The following CSMD1 variants were observed in gnomAD, a reference collection of about 807,000 sequenced individuals.
CSMD1 encodes CUB and Sushi multiple domains 1, also known as CUB and sushi domain-containing protein 1.
In CSMD1, 213 loss-of-function variants were observed where a neutral mutation model predicts 417.5. The observed-to-expected ratio is 0.51, with a 90% CI of 0.46 to 0.57. The LOEUF is 0.57. CSMD1 is among the 20% of genes least tolerant of loss of function. The pLI is 0.00. For missense variants in CSMD1, 6,923 were observed against 4,529.7 expected (o/e 1.53, Z -15.17); for synonymous variants, 2,862 against 1,736.8 (o/e 1.65, Z -16.11).
intron 3 of CSMD1, among the ~76,000 whole-genome samples, chr8:4,054,138 A>G (rs2740884): frequency 0.9 from 137,532 of 152,218 alleles, 62,329 homozygotes; most frequent in East Asian, 0.99. Flanking sequence ...ACTTTTTTCT[A>G]TGTAAGTACA....
chr8:3,257,552 G>A (rs1444938734), intron 26 of CSMD1, among the ~76,000 whole-genome samples: 1 of 152,194 alleles, frequency 6.6e-6, no homozygotes, highest in Non-Finnish European at 1.5e-5. Flanking sequence ...AGTGCTGGGG[G>A]GCAGTTGGTG....
At chr8:3,981,324 C>A (rs1337745367) in intron 5 of CSMD1, among the ~76,000 whole-genome samples, 2 of 151,734 alleles carry the variant, frequency 1.3e-5, no homozygotes, top group Admixed American at 6.6e-5. Context: ...ATGATAACAG[C>A]GGATTTTGGG....
intron 26 of CSMD1, among the ~76,000 whole-genome samples, chr8:3,274,047 T>C (rs1344182964): frequency 6.6e-6 from 1 of 151,904 alleles, no homozygotes; most frequent in African/African-American, 2.4e-5. Flanking sequence ...TCTTTCCTGC[T>C]TTCTCTTGTG....
Position 4,994,683 on chromosome 8 carries a change from G to T in CSMD1, c.-267C>A. 2 of 404,544 alleles carry T rather than the reference G, an allele frequency of 4.9e-6. No homozygotes were observed. The highest frequency in any genetic ancestry group is 8.8e-6 in the Non-Finnish European group (2 of 226,168). The allele number at this position is 404,544 out of a possible 1,614,324, so 25.1% of individuals were successfully genotyped here. ...GGGCCGGGGCCGGGGACGAGCGCCG[G>T]CCGAGCCGGGCAGGAAGGCACCAAG... On this transcript the variant is annotated 5_prime_UTR_variant, in exon 1 of 70. Transcript: ENST00000635120.
chr8:3,579,136 A>C (rs1261105650), intron 9 of CSMD1, among the ~76,000 whole-genome samples: 1 of 152,200 alleles, frequency 6.6e-6, no homozygotes, highest in Non-Finnish European at 1.5e-5. Context: ...AATTTCACTT[A>C]CATCTTTTCT....
chr8:3,284,691 G>A (rs1803014305), intron 25 of CSMD1: 1 of 258,410 alleles, frequency 3.9e-6, no homozygotes, highest in African/African-American at 2.2e-5. Context: ...TATAAGCTTG[G>A]CATTGACAGA....
intron 3 of CSMD1, among the ~76,000 whole-genome samples, chr8:4,181,296 C>T (rs1300952360): frequency 6.6e-6 from 1 of 152,032 alleles, no homozygotes; most frequent in Non-Finnish European, 1.5e-5. Flanking sequence ...TATTGTAAAA[C>T]AATAATGATT....
intron 5 of CSMD1, among the ~76,000 whole-genome samples, chr8:3,988,552 C>T (rs1447091742): frequency 6.6e-6 from 1 of 152,190 alleles, no homozygotes; most frequent in East Asian, 1.9e-4. Flanking sequence ...CACTCCAGAA[C>T]TGCTAGATCA....
At chr8:3,774,978 G>A (rs1319193296) in intron 5 of CSMD1, among the ~76,000 whole-genome samples, 1 of 151,978 alleles carries the variant, frequency 6.6e-6, no homozygotes, top group Admixed American at 6.6e-5. Context: ...CAATGCACTG[G>A]ACACAGGGGC....
At chr8:3,317,163 T>C (rs899586481) in intron 23 of CSMD1, among the ~76,000 whole-genome samples, 26 of 152,152 alleles carry the variant, frequency 1.7e-4, no homozygotes, top group African/African-American at 6.3e-4. Context: ...ATCATCAGCA[T>C]TGTTGTCACA....
At chr8:3,591,801 A>C (rs889141892) in intron 8 of CSMD1, among the ~76,000 whole-genome samples, 1 of 152,158 alleles carries the variant, frequency 6.6e-6, no homozygotes, top group South Asian at 2.1e-4. Context: ...GGAAAGATGG[A>C]AAGATGGATA....
At chr8:4,918,020 A>T (rs544730463) in intron 1 of CSMD1, among the ~76,000 whole-genome samples, 1 of 152,374 alleles carries the variant, frequency 6.6e-6, no homozygotes, top group African/African-American at 2.4e-5. Context: ...CAGAAAAATC[A>T]CTTGTAAAAT....
At chr8:4,953,462 G>A (rs981066311) in intron 1 of CSMD1, among the ~76,000 whole-genome samples, 3 of 152,004 alleles carry the variant, frequency 2.0e-5, no homozygotes, top group African/African-American at 7.2e-5. Flanking sequence ...CTAAATAATT[G>A]CTTTATAAGG....
At chr8:4,652,036 A>G (rs148652232) in intron 1 of CSMD1, among the ~76,000 whole-genome samples, 204 of 152,290 alleles carry the variant, frequency 1.3e-3, no homozygotes, top group African/African-American at 4.7e-3. Context: ...CCTCTAAGAT[A>G]CCTATGAGCC....
At chr8:3,382,303 T>G (rs989106932) in intron 18 of CSMD1, among the ~76,000 whole-genome samples, 11 of 148,998 alleles carry the variant, frequency 7.4e-5, no homozygotes, top group African/African-American at 2.2e-4. Context: ...TTTTTTAAAG[T>G]TTATTGGGTT....
At chr8:4,915,110 G>C (rs4598269) in intron 1 of CSMD1, among the ~76,000 whole-genome samples, 74,009 of 151,896 alleles carry the variant, frequency 0.49, 18,482 homozygotes, top group Non-Finnish European at 0.52. Context: ...CGAGTCAAGT[G>C]TTACCAACTG....
At chr8:4,618,771 G>C (rs1801617820) in intron 2 of CSMD1, among the ~76,000 whole-genome samples, 1 of 152,034 alleles carries the variant, frequency 6.6e-6, no homozygotes, top group South Asian at 2.1e-4. Flanking sequence ...TCAGAATCTT[G>C]AGGAAGCCCC....
intron 12 of CSMD1, among the ~76,000 whole-genome samples, chr8:3,466,252 T>G (rs914112778): frequency 1.3e-5 from 2 of 152,032 alleles, no homozygotes; most frequent in African/African-American, 4.8e-5. Context: ...TTAAATAACT[T>G]ACACTAAGGT....
At chr8:4,613,468 A>T (rs1801299353) in intron 2 of CSMD1, among the ~76,000 whole-genome samples, 1 of 152,166 alleles carries the variant, frequency 6.6e-6, no homozygotes, top group South Asian at 2.1e-4. Flanking sequence ...GCACCTGTTC[A>T]CCATGGCCTG....
Sources: gnomAD v4.1 joint callset for allele counts (sites outside exome capture counted in the v4.1 genomes callset) on GRCh38, gnomAD v4.1.1 for gene constraint, MANE v1.5 for transcripts, NCBI Gene and HGNC (gene_info 2026-07-23, HGNC 2026-07-21) for gene names.